C5: variants seen among roughly 807,000 people sequenced by gnomAD.
C5 encodes the protein C3 and PZP-like alpha-2-macroglobulin domain-containing protein 4.
Under a neutral mutation model 218.8 loss-of-function variants are expected in C5, and 140 were observed. The ratio of observed to expected loss-of-function variants is 0.64; its 90% CI spans 0.56 to 0.74. C5 has a LOEUF of 0.74. Ranked by LOEUF, C5 falls within the 30% of genes least tolerant of loss-of-function variation. C5 has a pLI of 0.00. For missense variants in C5, 1,700 were observed against 1,969.6 expected (o/e 0.86, Z 2.59); for synonymous variants, 614 against 682.3 (o/e 0.90, Z 1.56).
chr9:121,032,199 T>G lies in C5; in HGVS notation c.585-4A>C, dbSNP rs372621958. The G allele has an allele frequency of 4.5e-6, 7 of 1,564,644 alleles. No individual in the cohort carries two copies. The South Asian group carries it at 7.8e-5, about 17-fold the overall frequency. On this transcript the variant is annotated splice_region_variant and splice_polypyrimidine_tract_variant and intron_variant, in intron 5 of 40. Transcript: ENST00000223642. ...CTTGATCGTCCACATACCATATCTG[T>G]GGAAGCAAAATATTTAAAATTATAG...
At position 121,023,510 on chromosome 9, in the gene C5, G is replaced by A; in HGVS notation, c.1010C>T (p.Ser337Phe). 1 of 1,603,644 alleles carries A rather than the reference G, an allele frequency of 6.2e-7. No homozygotes were observed. Among genetic ancestry groups the A allele is most frequent in the Non-Finnish European group, 8.5e-7 (1 of 1,170,460 alleles). The change falls in exon 10 of 41, where the codon TCT becomes TTT. Residue 337 changes from serine to phenylalanine, a missense_variant. Physicochemically the swap from Ser to Phe is radical, Grantham distance 155. Coordinates refer to ENST00000223642, the MANE Select transcript of C5 (RefSeq NM_001735.3). ...VTVIESTGGF[S>F]EEAEIPGIKY... ...GATGCCAGGTATTTCTGCCTCTTCA[G>A]AAAATCCACCTAAGGAAATGGCAAG... is the stretch of plus-strand genomic sequence containing the variant.
intron 1 of C5, among the ~76,000 whole-genome samples, chr9:121,048,045 A>G (rs959279772): frequency 6.6e-6 from 1 of 152,208 alleles, no homozygotes; most frequent in Admixed American, 6.5e-5. Context: ...TGAATTCTAT[A>G]ATTCACAAAT....
At chr9:121,052,415 G>A (rs922663321), upstream of C5, among the ~76,000 whole-genome samples, 19 of 137,862 alleles carry the variant, frequency 1.4e-4, no homozygotes, top group Admixed American at 6.3e-4. Context: ...TCACGCCACC[G>A]CACTCCAGCC....
At chr9:121,048,211 A>G (rs1437706281) in intron 1 of C5, among the ~76,000 whole-genome samples, 1 of 152,146 alleles carries the variant, frequency 6.6e-6, no homozygotes, top group Non-Finnish European at 1.5e-5. Flanking sequence ...TATGTTTTTA[A>G]GTTTAGTATT....
At chr9:121,046,446 AT>A (rs1449045338) in intron 1 of C5, 63 bp from the exon 2 acceptor site, 52 of 1,196,672 alleles carry the variant, frequency 4.3e-5, no homozygotes, top group African/African-American at 3.0e-5. Flanking sequence ...TTTACTTTTG[AT>A]TTTTTTCTCT....
rs181763824 is a variant in C5, at chr9:121,017,820, G to C, written c.1539C>G (p.Gly513=). Residue 513 remains glycine, a synonymous_variant, in exon 13 of 41, where the codon GGC becomes GGG. Transcript: ENST00000223642. ...ATGCATCTGAAAATTTCTCCCTCGT[G>C]CCAAAGTGGATAATTTTGCCCTTGG... The part of the protein sequence containing the change: ...ILSKGKIIHF[G]TREKFSDASY... 1.5e-4 allele frequency: 240 copies of C among 1,613,318 alleles called. 1 individual carries two copies. The East Asian group carries it at 4.5e-3, about 30-fold the overall frequency.
the C5 span, among the ~76,000 whole-genome samples, chr9:121,073,965 G>A: frequency 6.6e-6 from 1 of 150,580 alleles, no homozygotes; most frequent in African/African-American, 2.4e-5. Context: ...GTGAAGAAAG[G>A]AAATGAAGAC....
At chr9:121,037,810 C>T (rs1335772828) in intron 4 of C5, 71 bp downstream of exon 4, 2 of 693,008 alleles carry the variant, frequency 2.9e-6, no homozygotes, top group African/African-American at 3.6e-5. Context: ...AGTGTGAGGA[C>T]AGGGTTATGA....
chr9:120,980,700 C>T (rs2046986332), intron 27 of C5, among the ~76,000 whole-genome samples: 1 of 152,152 alleles, frequency 6.6e-6, no homozygotes, highest in African/African-American at 2.4e-5. Flanking sequence ...ACGCCATTCT[C>T]CTGCCTCAGC....
the C5 span, among the ~76,000 whole-genome samples, chr9:121,070,384 G>GATAGATATATAT: frequency 1.4e-5 from 1 of 72,900 alleles, no homozygotes; most frequent in Non-Finnish European, 2.4e-5. Context: ...AAGGAAGGGT[G>GATAGATATATAT]ATATATATAT....
intron 31 of C5, 64 bp from the exon 32 acceptor site, chr9:120,970,315 G>T: frequency 9.7e-7 from 1 of 1,035,248 alleles, no homozygotes; most frequent in African/African-American, 1.6e-5. Context: ...AAGGTATTAT[G>T]GCAACACTGC....
intron 22 of C5, among the ~76,000 whole-genome samples, chr9:120,993,187 C>T (rs1490186679): frequency 6.6e-6 from 1 of 152,134 alleles, no homozygotes; most frequent in Non-Finnish European, 1.5e-5. Context: ...CGAGAACCCT[C>T]GTGCACTGCT....
At chr9:120,989,917 G>T in intron 23 of C5, 137 bp from the exon 24 acceptor site, 1 of 683,194 alleles carries the variant, frequency 1.5e-6, no homozygotes. Context: ...TCAGAAACGG[G>T]GTGAGAAAAA....
chr9:121,037,902 T>C lies in C5; in HGVS notation c.471A>G (p.Arg157=). 6.6e-7 allele frequency: 1 copy of C among 1,515,030 alleles called. No homozygotes were observed. Among genetic ancestry groups the C allele is most frequent in the Non-Finnish European group, 9.1e-7 (1 of 1,103,798 alleles). 93.8% of individuals were successfully genotyped at this position (1,515,030 alleles called of 1,614,324 possible). The change falls in exon 4 of 41, where the codon AGA becomes AGG. Residue 157 remains arginine (R), a synonymous_variant. Coordinates refer to ENST00000223642, the MANE Select transcript of C5 (RefSeq NM_001735.3). ...TTACTATGAAAGTTAAGACAGTTTC[T>C]CTTTTGGCTGGCTTCAAGTCGTCAT... The part of the protein sequence containing the change: ...SLNDDLKPAK[R]ETVLTFIDPE...
chr9:121,018,827 C>T (rs2047339382), intron 12 of C5, among the ~76,000 whole-genome samples: 1 of 150,636 alleles, frequency 6.6e-6, no homozygotes, highest in Non-Finnish European at 1.5e-5. Context: ...GTTTATGGGC[C>T]TACTATGTGC....
chr9:120,977,018 T>C (rs1408559314), intron 28 of C5, 113 bp from the exon 29 acceptor site: 1 of 897,000 alleles, frequency 1.1e-6, no homozygotes, highest in East Asian at 2.6e-5. Context: ...TACTTTTTCT[T>C]GTTAGAGGAA....
chr9:121,018,578 AAAGGAAGGAAGGAAGGAAGGAAGG>A (rs56204327), intron 12 of C5, among the ~76,000 whole-genome samples: 8 of 80,904 alleles, frequency 9.9e-5, no homozygotes, highest in Admixed American at 3.0e-4. Context: ...CACCAAAAAG[AAAGGAAGGAAGGAAGGAAGGAAGG>A]AAGGAAGGAA....
chr9:120,979,519 G>C (rs1238272261), intron 28 of C5: 2 of 153,194 alleles, frequency 1.3e-5, no homozygotes, highest in African/African-American at 2.4e-5. Context: ...TATTCCCAGA[G>C]ACTGGAATAG....
intron 22 of C5, among the ~76,000 whole-genome samples, 197 bp downstream of exon 22, chr9:120,996,043 T>G (rs2047113914): frequency 1.3e-5 from 2 of 152,098 alleles, no homozygotes; most frequent in African/African-American, 2.4e-5. Context: ...GGTCTCGAAC[T>G]CCTGACCTCA....
Sources: allele counts gnomAD v4.1 joint callset (sites outside exome capture counted in the v4.1 genomes callset), GRCh38; gene constraint gnomAD v4.1.1; transcripts MANE v1.5; gene names NCBI Gene and HGNC (gene_info 2026-07-23, HGNC 2026-07-21).